Variants in EIF4G2 observed in about 807,000 individuals in gnomAD.
EIF4G2 encodes DAP-5.
A neutral mutation model predicts 117.7 loss-of-function variants in EIF4G2; 8 were observed. That is an observed-to-expected ratio of 0.07 (90% CI 0.04 to 0.12). The LOEUF is 0.12. Among genes scored for constraint, EIF4G2 ranks in the 10% least tolerant of loss-of-function variants. The pLI is 1.00. For missense variants in EIF4G2, 812 were observed against 1,086.2 expected (o/e 0.75, Z 3.55); for synonymous variants, 413 against 367.8 (o/e 1.12, Z -1.41).
chr11:10,806,797 G>GT (rs752533273), intron 3 of EIF4G2, 23 bp downstream of exon 3: 69 of 1,611,500 alleles, frequency 4.3e-5, no homozygotes, highest in Admixed American at 3.5e-4. Context: ...AAAGCTCACT[G>GT]TTTTTTTACA....
intron 20 of EIF4G2, 41 bp downstream of exon 20, chr11:10,799,172 A>G: frequency 1.2e-6 from 2 of 1,612,620 alleles, no homozygotes; most frequent in Non-Finnish European, 1.7e-6. Context: ...GTTCTGTTTA[A>G]GAACTTCCTC....
chr11:10,801,586 G>A (rs149748807), intron 14 of EIF4G2, 75 bp downstream of exon 14: 32 of 1,304,880 alleles, frequency 2.5e-5, no homozygotes, highest in Middle Eastern at 1.8e-4. Flanking sequence ...TTAATAACGC[G>A]TCTTTTTATA....
intron 19 of EIF4G2, 35 bp from the exon 20 acceptor site, chr11:10,799,459 T>A (rs1425703021): frequency 1.1e-5 from 18 of 1,610,496 alleles, no homozygotes; most frequent in Non-Finnish European, 1.5e-5. Flanking sequence ...AACCCAACAG[T>A]GAGTTTTCTT....
At chr11:10,806,223 TTGTTAA>T (rs755131402) in intron 3 of EIF4G2, 176 bp from the exon 4 acceptor site, 71 of 830,154 alleles carry the variant, frequency 8.6e-5, no homozygotes, top group Non-Finnish European at 1.2e-4. Context: ...CCTGAAGGGC[TTGTTAA>T]TACAGATTGC....
Position 10,802,059 on chromosome 11 carries a change from A to G in EIF4G2, c.1289T>C (p.Met430Thr). The G allele has an allele frequency of 6.2e-7, 1 of 1,613,812 alleles. No individual in the cohort carries two copies. Among genetic ancestry groups the G allele is most frequent in the Non-Finnish European group, 8.5e-7 (1 of 1,179,828 alleles). Reference sequence around the variant, plus strand: ...TCAAATATTACTTACCTGGCTTTTCATAAACTTGCCTCCCATCTCTCCAAA... The same window carrying G: ...TCAAATATTACTTACCTGGCTTTTCGTAAACTTGCCTCCCATCTCTCCAAA... Residue 430 changes from methionine (M) to threonine (T), a missense_variant, in exon 13 of 22, where the codon ATG (methionine) becomes ACG (threonine). By Grantham distance (81) the Met-to-Thr change is moderately conservative (BLOSUM62 -1). Coordinates refer to ENST00000339995, the MANE Select transcript of EIF4G2 (RefSeq NM_001418.4).
intron 5 of EIF4G2, 130 bp from the exon 6 acceptor site, chr11:10,804,548 C>T (rs1246141613): frequency 8.5e-7 from 1 of 1,170,400 alleles, no homozygotes; most frequent in Non-Finnish European, 1.2e-6. Flanking sequence ...CAGATTTCAT[C>T]TAGTCACATC....
At chr11:10,798,770 G>C (rs991959913) in intron 21 of EIF4G2, 1 of 479,548 alleles carries the variant, frequency 2.1e-6, no homozygotes, top group Admixed American at 3.8e-5. Flanking sequence ...TATACTCCTT[G>C]AAAAGTTAGC....
At chr11:10,802,974 A>G (rs1285914185) in intron 11 of EIF4G2, 56 bp downstream of exon 11, 1 of 1,524,892 alleles carries the variant, frequency 6.6e-7, no homozygotes, top group Non-Finnish European at 9.0e-7. Context: ...GAGGAAACCC[A>G]TTCTATTCTA....
intron 1 of EIF4G2, chr11:10,807,831 A>T: frequency 1.0e-6 from 1 of 990,436 alleles, no homozygotes; most frequent in Non-Finnish European, 1.2e-6. Context: ...CTCCCCGTGG[A>T]GAGCTCGTGG....
chr11:10,808,869 CTGCAGCCGCCACTCGG>C lies in EIF4G2; in HGVS notation c.-267_-252del. The C allele has an allele frequency of 6.3e-6, 1 of 157,758 alleles. No individual in the cohort carries two copies. The highest frequency in any genetic ancestry group is 6.5e-5 in the Admixed American group (1 of 15,312). The allele number at this position is 157,758 out of a possible 1,614,324, so 9.8% of individuals were successfully genotyped here. A position where few individuals can be genotyped will look rare whatever the true frequency, so the allele number is the denominator to read the frequency against. On this transcript the variant is annotated 5_prime_UTR_variant, in exon 1 of 22. The change abolishes the stop of an existing upstream ORF in the 5' untranslated region. Transcript: ENST00000339995. Reference sequence around the variant, plus strand: ...CAAACTCAGCTCAGAGGAGTCGCTGCTGCAGCCGCCACTCGGTACCCGCTGCCACCTCCATAGAGCT... The same window carrying C: ...CAAACTCAGCTCAGAGGAGTCGCTGCTACCCGCTGCCACCTCCATAGAGCT...
At position 10,802,416 on chromosome 11, in the gene EIF4G2, G is replaced by A; in HGVS notation, c.1016C>T (p.Pro339Leu). The A allele has an allele frequency of 6.2e-7, 1 of 1,607,704 alleles. No individual in the cohort carries two copies. Among genetic ancestry groups the A allele is most frequent in the Non-Finnish European group, 8.5e-7 (1 of 1,178,016 alleles). ...TCTCATCCCTTGAGCCATAGGAGCAGGAATAAACACCCCTAGATCCTTTAG... is the reference window on the plus strand; with the variant it reads ...TCTCATCCCTTGAGCCATAGGAGCAAGAATAAACACCCCTAGATCCTTTAG... Residue 339 changes from proline (P) to leucine (L), a missense_variant, in exon 12 of 22, where the codon CCT becomes CTT. Transcript: ENST00000339995.
rs567110406 is a variant in EIF4G2 at position 10,800,759 on chromosome 11, G to A, written c.1616C>T (p.Pro539Leu). Residue 539 changes from proline (P) to leucine (L), a missense_variant, in exon 16 of 22, where the codon CCG (proline) becomes CTG (leucine). Physicochemically the swap from Pro to Leu is moderately conservative, Grantham distance 98. Coordinates refer to ENST00000339995, the MANE Select transcript of EIF4G2 (RefSeq NM_001418.4). ...TAGTTTAAGGAGTTCTTCCTTTGAC[G>A]GTGGTGGCTTTTTGCTGGTCTTGGC... 5.6e-5 allele frequency: 91 copies of A among 1,614,164 alleles called. No homozygotes were observed. Among genetic ancestry groups the A allele is most frequent in the Admixed American group, 1.8e-4 (11 of 60,026 alleles).
intron 14 of EIF4G2, chr11:10,801,294 A>C (rs1385551549): frequency 2.2e-5 from 14 of 647,374 alleles, no homozygotes; most frequent in Non-Finnish European, 3.6e-5. Flanking sequence ...ATACTATTAT[A>C]AATCTTACAT....
chr11:10,807,506 A>G, intron 1 of EIF4G2, 125 bp from the exon 2 acceptor site: 6 of 1,331,046 alleles, frequency 4.5e-6, no homozygotes, highest in African/African-American at 1.5e-5. Flanking sequence ...AGACTAACCT[A>G]AAATGTACTC....
At chr11:10,806,119 T>TA (rs1380880457) in intron 3 of EIF4G2, 72 bp from the exon 4 acceptor site, 1 of 1,592,966 alleles carries the variant, frequency 6.3e-7, no homozygotes, top group Non-Finnish European at 8.6e-7. Context: ...TTCTCTTACA[T>TA]AGAAAAAAGT....
At position 10,800,732 on chromosome 11, in the gene EIF4G2, G is replaced by T; in HGVS notation, c.1643C>A (p.Thr548Asn). 6.2e-7 allele frequency: 1 copy of T among 1,614,138 alleles called. No individual in the cohort carries two copies. The highest frequency in any genetic ancestry group is 8.5e-7 in the Non-Finnish European group (1 of 1,180,024). The change falls in exon 16 of 22, where the codon ACT (threonine) becomes AAT (asparagine). Residue 548 changes from threonine (T) to asparagine (N), a missense_variant and splice_region_variant. Thr to Asn is a moderately conservative substitution (Grantham distance 65, BLOSUM62 0). Coordinates refer to ENST00000339995, the MANE Select transcript of EIF4G2 (RefSeq NM_001418.4). ...TAAAATGGGATATTTGAAACTTACA[G>T]TTAGTTTAAGGAGTTCTTCCTTTGA... is the stretch of plus-strand genomic sequence containing the variant.
At chr11:10,805,875 C>T in intron 4 of EIF4G2, 32 bp downstream of exon 4, 1 of 1,614,104 alleles carries the variant, frequency 6.2e-7, no homozygotes, top group Non-Finnish European at 8.5e-7. Flanking sequence ...CCACACTTCC[C>T]ATCTTTTAGT....
Position 10,797,919 on chromosome 11 carries a change from T to C in EIF4G2, c.2659-38A>G, listed in dbSNP as rs1194387868. 5 of 1,597,250 alleles carry C rather than the reference T, an allele frequency of 3.1e-6. No homozygotes were observed. The highest frequency in any genetic ancestry group is 4.3e-6 in the Non-Finnish European group (5 of 1,167,848). On this transcript the variant is annotated intron_variant, in intron 21 of 21. Transcript: ENST00000339995. The surrounding 1 kb of genome is among the most constrained non-coding windows in gnomAD (Gnocchi z 4.5). ...ATTTGTAAATTAAAATAGTTCATGATATAAACAGAAATCCATCCAAAAAGT... is the reference window on the plus strand; with the variant it reads ...ATTTGTAAATTAAAATAGTTCATGACATAAACAGAAATCCATCCAAAAAGT...
At chr11:10,804,793 C>T (rs1416525840) in intron 5 of EIF4G2, 120 bp downstream of exon 5, 9 of 767,818 alleles carry the variant, frequency 1.2e-5, no homozygotes, top group South Asian at 5.2e-5. Context: ...TTCAAAAATA[C>T]ATACCTATCT....
Sources: allele counts gnomAD v4.1 joint callset, GRCh38; gene constraint gnomAD v4.1.1; non-coding constraint Gnocchi (gnomAD v3.1); transcripts MANE v1.5; gene names NCBI Gene and HGNC (gene_info 2026-07-23, HGNC 2026-07-21).